Variants in UBL3 observed in about 807,000 individuals in gnomAD.
The protein encoded by UBL3 is ubiquitin like 3, also known as ubiquitin-like protein 3.
Under a neutral mutation model 18.4 loss-of-function variants are expected in UBL3, and 6 were observed. That is an observed-to-expected ratio of 0.33 (90% confidence interval 0.18 to 0.64). UBL3 has a LOEUF of 0.64. UBL3 is among the 30% of genes least tolerant of loss of function. UBL3 has a pLI of 0.76. For missense variants in UBL3, 109 were observed against 142.9 expected, an observed-to-expected ratio of 0.76 and a Z score of 1.21; for synonymous variants, 49 against 46.6, an observed-to-expected ratio of 1.05 and a Z score of -0.21.
At chr13:29,834,247 T>C (rs1878863162) in intron 1 of UBL3, among the ~76,000 whole-genome samples, 1 of 151,366 alleles carries the variant, frequency 6.6e-6, no homozygotes, top group African/African-American at 2.4e-5. Context: ...TATGTAATCA[T>C]AAAAATGATA....
chr13:29,765,950 T>C lies in UBL3; in HGVS notation c.*1305A>G, dbSNP rs1232986981. On this transcript the variant is annotated 3_prime_UTR_variant, in exon 5 of 5. Transcript: ENST00000380680. Reference sequence around the variant, plus strand: ...AGGCTAAACTTATTTATATGGAATATTGTTCTGTATACTACGCGCCAATCT... The same window carrying C: ...AGGCTAAACTTATTTATATGGAATACTGTTCTGTATACTACGCGCCAATCT... 1.3e-5 allele frequency: 2 copies of C among 152,674 alleles called. No individual in the cohort carries two copies. Among genetic ancestry groups the C allele is most frequent in the East Asian group, 1.9e-4 (1 of 5,190 alleles). The allele number at this position is 152,674 out of a possible 1,614,324, so 9.5% of individuals were successfully genotyped here.
chr13:29,829,368 C>A (rs1189671652), intron 1 of UBL3, among the ~76,000 whole-genome samples: 1 of 152,206 alleles, frequency 6.6e-6, no homozygotes, highest in Admixed American at 6.5e-5. Flanking sequence ...CTTTGTTTAC[C>A]TACTCAAGCC....
chr13:29,769,024 A>G (rs560655631), intron 3 of UBL3, among the ~76,000 whole-genome samples: 2 of 152,154 alleles, frequency 1.3e-5, no homozygotes, highest in South Asian at 4.1e-4. Flanking sequence ...TTACCCTCTA[A>G]GCTTCTGTTT....
At chr13:29,835,513 T>C (rs1159037828) in intron 1 of UBL3, among the ~76,000 whole-genome samples, 2 of 150,740 alleles carry the variant, frequency 1.3e-5, no homozygotes, top group Non-Finnish European at 3.0e-5. Flanking sequence ...GGCTCCCACT[T>C]TGGGAGGCCC....
At chr13:29,787,678 A>G (rs1474890803) in intron 1 of UBL3, among the ~76,000 whole-genome samples, 1 of 152,170 alleles carries the variant, frequency 6.6e-6, no homozygotes, top group Non-Finnish European at 1.5e-5. Flanking sequence ...CATACTATTA[A>G]CTTAAATAAC....
chr13:29,829,051 G>A (rs948959527), intron 1 of UBL3, among the ~76,000 whole-genome samples: 3 of 152,174 alleles, frequency 2.0e-5, no homozygotes, highest in Non-Finnish European at 2.9e-5. Flanking sequence ...GTCTCAGAGG[G>A]GTACCTGGCC....
In UBL3 at chr13:29,795,561, T is replaced by C. The variant is rs151086691; in HGVS notation, c.28-18298A>G. On this transcript the variant is annotated intron_variant, in intron 1 of 4. Transcript: ENST00000380680. ...AATAGGTAATAACACTATTAATAACTGCTAATCCATATACCTCTTGCCAGA... is the reference window on the plus strand; with the variant it reads ...AATAGGTAATAACACTATTAATAACCGCTAATCCATATACCTCTTGCCAGA... Among the ~76,000 whole-genome samples, 180 of 151,958 alleles carry C rather than the reference T, an allele frequency of 1.2e-3. 1 individual carries two copies. The highest frequency in any genetic ancestry group is 3.4e-3 in the African/African-American group (142 of 41,464).
intron 1 of UBL3, among the ~76,000 whole-genome samples, chr13:29,818,758 A>C (rs1878349790): frequency 6.6e-6 from 1 of 152,228 alleles, no homozygotes; most frequent in African/African-American, 2.4e-5. Context: ...CAGAACTCTA[A>C]GAATACTGTC....
intron 1 of UBL3, among the ~76,000 whole-genome samples, chr13:29,784,280 A>G (rs1197718018): frequency 2.0e-5 from 3 of 152,218 alleles, no homozygotes; most frequent in African/African-American, 4.8e-5. Context: ...GTCTTTGGAT[A>G]TAAAATATAA....
intron 1 of UBL3, among the ~76,000 whole-genome samples, chr13:29,847,132 G>C (rs1488016997): frequency 1.3e-5 from 2 of 152,128 alleles, no homozygotes; most frequent in Non-Finnish European, 2.9e-5. Flanking sequence ...AGAATTCTAG[G>C]CACATAGCAA....
chr13:29,807,465 T>C (rs114760480), intron 1 of UBL3, among the ~76,000 whole-genome samples: 1,560 of 152,324 alleles, frequency 0.01, 27 homozygotes, highest in African/African-American at 0.036. Context: ...TCATTGCCTT[T>C]TATCTCTTTG....
chr13:29,777,159 T>G lies in UBL3; in HGVS notation c.132A>C (p.Pro44=). 6.3e-7 allele frequency: 1 copy of G among 1,587,072 alleles called. No individual in the cohort carries two copies. Among genetic ancestry groups the G allele is most frequent in the Non-Finnish European group, 8.6e-7 (1 of 1,166,224 alleles). The change falls in exon 2 of 5, where the codon CCA becomes CCC. Residue 44 remains proline (P), a synonymous_variant. Coordinates refer to ENST00000380680, the MANE Select transcript of UBL3 (RefSeq NM_007106.4). ...DIAKHVYDNW[P]MDWEEEQVSS... The stretch of plus-strand genomic sequence containing the variant: ...CAAGAGAAAAATATCACTCACCCAT[T>G]GGCCAATTGTCATATACATGCTTTG...
chr13:29,832,899 C>A (rs893982110), intron 1 of UBL3, among the ~76,000 whole-genome samples: 3 of 152,156 alleles, frequency 2.0e-5, no homozygotes, highest in Admixed American at 1.3e-4. Flanking sequence ...CAGTTGAGGA[C>A]AAGTTTCAGG....
chr13:29,834,256 T>C (rs1303839939), intron 1 of UBL3, among the ~76,000 whole-genome samples: 1 of 151,552 alleles, frequency 6.6e-6, no homozygotes, highest in African/African-American at 2.4e-5. Flanking sequence ...ATAAAAATGA[T>C]ACCTAACATG....
At chr13:29,803,111 A>G (rs545489630) in intron 1 of UBL3, among the ~76,000 whole-genome samples, 5 of 152,354 alleles carry the variant, frequency 3.3e-5, no homozygotes, top group African/African-American at 7.2e-5. Context: ...TCAGCATTCT[A>G]TAAGAAAAGA....
At chr13:29,834,138 G>A (rs1234004541) in intron 1 of UBL3, among the ~76,000 whole-genome samples, 2 of 149,806 alleles carry the variant, frequency 1.3e-5, no homozygotes, top group East Asian at 3.9e-4. Context: ...CTGAGATCGC[G>A]CCACAGTGCA....
intron 1 of UBL3, among the ~76,000 whole-genome samples, chr13:29,831,693 GCTTA>G (rs1878777420): frequency 6.7e-6 from 1 of 149,714 alleles, no homozygotes; most frequent in Admixed American, 6.7e-5. Flanking sequence ...GCTGATGACA[GCTTA>G]CTTAATGATA....
chr13:29,767,166 T>C lies in UBL3; in HGVS notation c.*89A>G, dbSNP rs1323550330. On this transcript the variant is annotated 3_prime_UTR_variant, in exon 5 of 5. Transcript: ENST00000380680. ...CCATGTGTTTACAGGCAGACTGTTC[T>C]GAACGGTTTCTGAAGCAATGTCGGG... 8.3e-6 allele frequency: 12 copies of C among 1,449,552 alleles called. No individual in the cohort carries two copies. The highest frequency in any genetic ancestry group is 1.8e-5 in the Admixed American group (1 of 56,508). The allele number at this position is 1,449,552 out of a possible 1,614,324, so 89.8% of individuals were successfully genotyped here. A position where few individuals can be genotyped will look rare whatever the true frequency, so the allele number is the denominator to read the frequency against.
At chr13:29,805,546 GCTAT>G (rs1477096963) in intron 1 of UBL3, among the ~76,000 whole-genome samples, 1 of 152,084 alleles carries the variant, frequency 6.6e-6, no homozygotes, top group Non-Finnish European at 1.5e-5. Flanking sequence ...GACTATATAT[GCTAT>G]CTATCTTTTT....
Sources: gnomAD v4.1 joint callset for allele counts (sites outside exome capture counted in the v4.1 genomes callset) on GRCh38, gnomAD v4.1.1 for gene constraint, MANE v1.5 for transcripts, NCBI Gene and HGNC (gene_info 2026-07-23, HGNC 2026-07-21) for gene names.